Variants in BCL2L13 observed in about 807,000 individuals in gnomAD.
BCL2L13 encodes the protein bcl-2-like protein 13.
BCL2L13 carries 13 observed loss-of-function variants against 25.8 expected under a neutral mutation model. The ratio of observed to expected loss-of-function variants is 0.50; its 90% CI spans 0.33 to 0.80. The LOEUF (loss-of-function observed/expected upper bound fraction) is 0.80, where lower values mean the gene tolerates loss of function less well. Ranked by LOEUF, BCL2L13 falls within the 30% of genes least tolerant of loss-of-function variation. The probability of loss-of-function intolerance (pLI) is 0.02; values close to 1 mark genes in which losing one functional copy is unlikely to be tolerated. For synonymous variants in BCL2L13, 244 were observed against 230.3 expected, an observed-to-expected ratio of 1.06 and a Z score of -0.54; for missense variants, 504 against 574.9, an observed-to-expected ratio of 0.88 and a Z score of 1.26.
At chr22:17,637,020 C>T (rs2058119772), upstream of BCL2L13, among the ~76,000 whole-genome samples, 2 of 152,130 alleles carry the variant, frequency 1.3e-5, no homozygotes, top group African/African-American at 2.4e-5. Context: ...CCCCTGTAAT[C>T]CCAGCACTTT....
At chr22:17,645,378 C>A (rs558754637) in intron 1 of BCL2L13, among the ~76,000 whole-genome samples, 28 of 150,206 alleles carry the variant, frequency 1.9e-4, no homozygotes, top group African/African-American at 7.0e-4. Context: ...CACACCATCA[C>A]GCCTGGCTAA....
chr22:17,676,697 A>G (rs976481501), intron 2 of BCL2L13, among the ~76,000 whole-genome samples: 1 of 152,178 alleles, frequency 6.6e-6, no homozygotes, highest in Non-Finnish European at 1.5e-5. Context: ...AGATCACTGT[A>G]TCTTGTGCAG....
chr22:17,685,760 C>CTTTTTTTTTTTTTTTTTTTTTTTTTTT lies in BCL2L13; in HGVS notation c.229+2442_229+2468dup, dbSNP rs1166792513. The stretch of plus-strand genomic sequence containing the variant: ...TATTGCCCAATAATTTTTTCTTTTT[C>CTTTTTTTTTTTTTTTTTTTTTTTTTTT]TTTTTTTTTTTTTTTTTTTTTTTTT... On this transcript the variant is annotated intron_variant, in intron 3 of 6. Coordinates refer to ENST00000317582, the MANE Select transcript of BCL2L13 (RefSeq NM_015367.4). 1.8e-4 allele frequency among the ~76,000 whole-genome samples: 11 copies of CTTTTTTTTTTTTTTTTTTTTTTTTTTT among 60,568 alleles called. 3 individuals are homozygous for CTTTTTTTTTTTTTTTTTTTTTTTTTTT. Among genetic ancestry groups the CTTTTTTTTTTTTTTTTTTTTTTTTTTT allele is most frequent in the Admixed American group, 2.6e-4 (1 of 3,854 alleles). 39.7% of individuals were successfully genotyped at this position (60,568 alleles called of 152,430 possible). A position where few individuals can be genotyped will look rare whatever the true frequency, so the allele number is the denominator to read the frequency against.
Position 17,683,216 on chromosome 22 carries a change from G to C in BCL2L13, c.124G>C (p.Val42Leu). The part of the protein sequence containing the change: ...QEQHLSSPQG[V>L]QLDIASQSLD... ...ATAACCTTTTTTGTTGCTTTCAGGG[G>C]TTCAACTAGATATAGCTTCACAATC... is the stretch of plus-strand genomic sequence containing the variant. Residue 42 changes from valine (V) to leucine (L), a missense_variant and splice_region_variant, in exon 3 of 7, where the codon GTT (valine) becomes CTT (leucine). Val to Leu is a conservative substitution (Grantham distance 32). Transcript: ENST00000317582. The C allele has an allele frequency of 2.0e-6, 3 of 1,526,768 alleles. No individual in the cohort carries two copies. The highest frequency in any genetic ancestry group is 1.4e-5 in the African/African-American group (1 of 72,380). 94.6% of individuals were successfully genotyped at this position (1,526,768 alleles called of 1,614,324 possible). A position where few individuals can be genotyped will look rare whatever the true frequency, so the allele number is the denominator to read the frequency against.
At chr22:17,656,774 G>A (rs2058883326) in intron 2 of BCL2L13, among the ~76,000 whole-genome samples, 1 of 152,082 alleles carries the variant, frequency 6.6e-6, no homozygotes, top group Non-Finnish European at 1.5e-5. Context: ...TGAGCAGTCT[G>A]TTGTCATTCT....
At chr22:17,654,979 C>A (rs2146498827) in intron 1 of BCL2L13, among the ~76,000 whole-genome samples, 1 of 152,302 alleles carries the variant, frequency 6.6e-6, no homozygotes, top group Admixed American at 6.6e-5. Flanking sequence ...CCACCTCGGC[C>A]TTCTAAAGTT....
chr22:17,696,567 T>G (rs957967140), intron 5 of BCL2L13, among the ~76,000 whole-genome samples: 3 of 152,200 alleles, frequency 2.0e-5, no homozygotes, highest in African/African-American at 7.2e-5. Flanking sequence ...GGTAGCCTCT[T>G]CCTGTTCTCT....
chr22:17,721,458 TA>T (rs1395908987), intron 6 of BCL2L13, among the ~76,000 whole-genome samples: 1 of 151,512 alleles, frequency 6.6e-6, no homozygotes, highest in Non-Finnish European at 1.5e-5. Flanking sequence ...TCAGCGTGGT[TA>T]AAAAAATACA....
intron 2 of BCL2L13, among the ~76,000 whole-genome samples, chr22:17,659,938 C>T (rs2059013108): frequency 6.8e-6 from 1 of 146,588 alleles, no homozygotes; most frequent in African/African-American, 2.4e-5. Context: ...TCACTGCATC[C>T]TCCACCTCCT....
intron 6 of BCL2L13, among the ~76,000 whole-genome samples, chr22:17,712,338 T>G (rs1018530488): frequency 4.6e-5 from 7 of 152,226 alleles, no homozygotes; most frequent in African/African-American, 1.7e-4. Flanking sequence ...TTAGTGACAT[T>G]ACATTACAGA....
At chr22:17,630,712 T>A (rs2057996422) in intron 1 of BCL2L13, among the ~76,000 whole-genome samples, 1 of 149,270 alleles carries the variant, frequency 6.7e-6, no homozygotes, top group Non-Finnish European at 1.5e-5. Context: ...TGCCTCAGCC[T>A]CCCCAGTAGC....
chr22:17,637,178 G>A (rs200363668), upstream of BCL2L13, among the ~76,000 whole-genome samples: 8,717 of 152,036 alleles, frequency 0.057, 446 homozygotes, highest in African/African-American at 0.14. Context: ...AGGCCAAGGC[G>A]AGTGGATCAC....
intron 6 of BCL2L13, among the ~76,000 whole-genome samples, chr22:17,706,299 C>G (rs1375380257): frequency 1.3e-5 from 2 of 151,498 alleles, no homozygotes; most frequent in Non-Finnish European, 2.9e-5. Context: ...CATGCGCCAC[C>G]TTGCCCAGCC....
At chr22:17,710,876 CAAAA>C (rs900240426) in intron 6 of BCL2L13, among the ~76,000 whole-genome samples, 1 of 147,796 alleles carries the variant, frequency 6.8e-6, no homozygotes, top group African/African-American at 2.5e-5. Flanking sequence ...GACTCCGTCT[CAAAA>C]AAAATAAAAA....
At chr22:17,685,768 T>C (rs1461166449) in intron 3 of BCL2L13, among the ~76,000 whole-genome samples, 15 of 98,732 alleles carry the variant, frequency 1.5e-4, no homozygotes, top group Non-Finnish European at 2.2e-4. Context: ...TTCTTTTTTT[T>C]TTTTTTTTTT....
intron 1 of BCL2L13, among the ~76,000 whole-genome samples, chr22:17,651,281 AGCCATGGCGCTGG>A (rs2058676020): frequency 6.6e-6 from 1 of 151,918 alleles, no homozygotes; most frequent in East Asian, 1.9e-4. Flanking sequence ...TATAGGCGTG[AGCCATGGCGCTGG>A]GCCATTCAGT....
At chr22:17,716,741 GAACTACTTTATTTTGTAACATTCA>G (rs1569009845) in intron 6 of BCL2L13, among the ~76,000 whole-genome samples, 1 of 152,118 alleles carries the variant, frequency 6.6e-6, no homozygotes, top group Admixed American at 6.6e-5. Context: ...TTCAAATGTA[GAACTACTTTATTTTGTAACATTCA>G]AACTGAGCCT....
intron 2 of BCL2L13, among the ~76,000 whole-genome samples, chr22:17,656,332 A>ATT (rs1568935138): frequency 4.3e-5 from 3 of 70,470 alleles, no homozygotes; most frequent in Admixed American, 1.7e-4. Flanking sequence ...TTTTCATTTT[A>ATT]TTCTTTTTTT....
intron 2 of BCL2L13, among the ~76,000 whole-genome samples, chr22:17,679,729 G>T (rs1428060676): frequency 6.6e-6 from 1 of 152,128 alleles, no homozygotes; most frequent in Non-Finnish European, 1.5e-5. Flanking sequence ...AAAAGGAACT[G>T]TGCTGTTTTA....
Sources: gnomAD v4.1 joint callset for allele counts (sites outside exome capture counted in the v4.1 genomes callset) on GRCh38, gnomAD v4.1.1 for gene constraint, MANE v1.5 for transcripts, NCBI Gene and HGNC (gene_info 2026-07-23, HGNC 2026-07-21) for gene names.